The following MORC2 variants were observed in gnomAD, a reference collection of about 807,000 sequenced individuals.
MORC2 encodes the protein MORC family CW-type zinc finger 2.
Under a neutral mutation model 136.0 loss-of-function variants are expected in MORC2, and 30 were observed. That is an observed-to-expected ratio of 0.22 (90% CI 0.17 to 0.30). The LOEUF (loss-of-function observed/expected upper bound fraction) is 0.30, where lower values mean the gene tolerates loss of function less well. MORC2 is among the 10% of genes least tolerant of loss of function. MORC2 has a pLI of 1.00. For missense variants in MORC2, 922 were observed against 1,333.1 expected, an observed-to-expected ratio of 0.69 and a Z score of 4.80; for synonymous variants, 439 against 487.0, an observed-to-expected ratio of 0.90 and a Z score of 1.30.
In MORC2 at chr22:30,935,236, C is replaced by G; in HGVS notation, c.1812+12G>C. On this transcript the variant is annotated intron_variant, in intron 18 of 25. Transcript: ENST00000397641. ...CCTGAGGAAAAGCCCTTCCCAGGCC[C>G]CTGGACTTCACCTCAGTGGAAGGTC... 4 of 1,613,136 alleles carry G rather than the reference C, an allele frequency of 2.5e-6. No individual in the cohort carries two copies. The highest frequency in any genetic ancestry group is 3.4e-6 in the Non-Finnish European group (4 of 1,179,598).
intron 25 of MORC2, among the ~76,000 whole-genome samples, chr22:30,927,664 T>G (rs982774716): frequency 2.0e-5 from 3 of 152,206 alleles, no homozygotes; most frequent in African/African-American, 7.2e-5. Flanking sequence ...GCCCTCATGC[T>G]TATTGCCTGG....
chr22:30,932,647 G>A lies in MORC2; in HGVS notation c.2645C>T (p.Ala882Val), dbSNP rs762899928. 1 of 1,614,172 alleles carries A rather than the reference G, an allele frequency of 6.2e-7. No individual in the cohort carries two copies. The highest frequency in any genetic ancestry group is 1.7e-5 in the Admixed American group (1 of 60,032). Residue 882 changes from alanine (A) to valine (V), a missense_variant, in exon 23 of 26, where the codon GCT (alanine) becomes GTT (valine). Coordinates refer to ENST00000397641, the MANE Select transcript of MORC2 (RefSeq NM_001303256.3). The surrounding 1 kb of genome is among the most constrained non-coding windows in gnomAD (Gnocchi z 4.4). The part of the protein sequence containing the change: ...EVGPVAQQAI[A>V]VAEPSTSECL... ...TTCGGAAGTGGAGGGCTCTGCGACA[G>A]CTATGGCCTGCTGGGCCACAGGGCC...
chr22:30,939,423 G>A (rs1020500388), intron 12 of MORC2, among the ~76,000 whole-genome samples, 198 bp downstream of exon 12: 3 of 152,142 alleles, frequency 2.0e-5, no homozygotes, highest in African/African-American at 7.2e-5. Context: ...TGCTCGAGCC[G>A]AGGTTGTCAG....
rs80056206 is a variant in MORC2 at position 30,927,064 on chromosome 22, C to A, written c.3031-193G>T. 0.034 allele frequency among the ~76,000 whole-genome samples: 5,165 copies of A among 152,130 alleles called. 250 individuals are homozygous for A. Among genetic ancestry groups the A allele is most frequent in the African/African-American group, 0.11 (4,573 of 41,458 alleles). On this transcript the variant is annotated intron_variant, in intron 25 of 25. Coordinates refer to ENST00000397641, the MANE Select transcript of MORC2 (RefSeq NM_001303256.3). ...TCATCTATTGTGCACAGATGATGCCCAGATTTCCTACGCCCACCCTGCCTC... is the reference window on the plus strand; with the variant it reads ...TCATCTATTGTGCACAGATGATGCCAAGATTTCCTACGCCCACCCTGCCTC...
intron 6 of MORC2, among the ~76,000 whole-genome samples, 184 bp from the exon 7 acceptor site, chr22:30,942,455 G>A (rs2040755401): frequency 6.6e-6 from 1 of 152,168 alleles, no homozygotes; most frequent in Admixed American, 6.5e-5. Flanking sequence ...CCAAGACTCA[G>A]CCACACAAGA....
intron 6 of MORC2, among the ~76,000 whole-genome samples, chr22:30,943,518 A>T (rs575921347): frequency 2.6e-5 from 4 of 151,998 alleles, no homozygotes; most frequent in African/African-American, 9.7e-5. Flanking sequence ...CAAAAACCCA[A>T]CCTCATATGC....
intron 3 of MORC2, among the ~76,000 whole-genome samples, chr22:30,955,148 G>C (rs2040948287): frequency 6.6e-6 from 1 of 152,054 alleles, no homozygotes; most frequent in Non-Finnish European, 1.5e-5. Flanking sequence ...AGTAGAGACA[G>C]GGTTTCTCCA....
At chr22:30,928,256 C>G (rs2040520602) in intron 24 of MORC2, 49 bp from the exon 25 acceptor site, 8 of 1,598,676 alleles carry the variant, frequency 5.0e-6, no homozygotes, top group Non-Finnish European at 6.9e-6. Context: ...ACAGGGGTCC[C>G]CAGGGCCCTT....
rs746259995 is a variant in MORC2 at position 30,939,599 on chromosome 22, C to G, written c.1073+22G>C. The G allele has an allele frequency of 4.3e-6, 7 of 1,611,830 alleles. No homozygotes were observed. The East Asian group carries it at 1.6e-4, about 36-fold the overall frequency. On this transcript the variant is annotated intron_variant, in intron 12 of 25. Transcript: ENST00000397641. Reference sequence around the variant, plus strand: ...AAAAGCTACGTCAGTTTAAAAGATCCAAGGACAGGCCTGGCACTCACCGCT... The same window carrying G: ...AAAAGCTACGTCAGTTTAAAAGATCGAAGGACAGGCCTGGCACTCACCGCT...
At chr22:30,939,898 TGG>T in intron 11 of MORC2, 59 bp downstream of exon 11, 1 of 1,546,918 alleles carries the variant, frequency 6.5e-7, no homozygotes, top group South Asian at 1.1e-5. Flanking sequence ...ACCAGGCTCA[TGG>T]GACATGGGCT....
At chr22:30,957,253 C>G (rs947796032) in intron 2 of MORC2, among the ~76,000 whole-genome samples, 2 of 152,194 alleles carry the variant, frequency 1.3e-5, no homozygotes, top group African/African-American at 4.8e-5. Flanking sequence ...TGTGAAAAAT[C>G]ACTTCTCGTG....
chr22:30,950,571 C>T (rs965323975), intron 3 of MORC2, 126 bp from the exon 4 acceptor site: 2 of 854,628 alleles, frequency 2.3e-6, no homozygotes, highest in South Asian at 1.6e-5. Flanking sequence ...AAACTTTCTA[C>T]GCTGGTGTGA....
At chr22:30,939,333 G>A (rs2040705741) in intron 12 of MORC2, among the ~76,000 whole-genome samples, 1 of 152,078 alleles carries the variant, frequency 6.6e-6, no homozygotes, top group Non-Finnish European at 1.5e-5. Flanking sequence ...CATACAATGA[G>A]CATTTTATAC....
Position 30,941,795 on chromosome 22 carries a change from G to A in MORC2, c.698+96C>T. 4 of 1,236,676 alleles carry A rather than the reference G, an allele frequency of 3.2e-6. No individual in the cohort carries two copies. Among genetic ancestry groups the A allele is most frequent in the Non-Finnish European group, 3.5e-6 (3 of 855,560 alleles). The allele number at this position is 1,236,676 out of a possible 1,614,324, so 76.6% of individuals were successfully genotyped here. ...ACATACTACCCTACCACAGAACACT[G>A]GGCAATGAATGTGCTCTCCCCTCTT... On this transcript the variant is annotated intron_variant, in intron 8 of 25. Transcript: ENST00000397641. This position sits in a 1 kb window ranked among gnomAD's most constrained non-coding sequence, Gnocchi z 4.6.
At position 30,925,869 on chromosome 22, in the gene MORC2, C is replaced by G. The variant is rs2040475414; in HGVS notation, c.*934G>C. ...CACGGGATCTCACTGGCCCCCTCTT[C>G]AGGCACCTTGATGGGGCTCAGTGGG... On this transcript the variant is annotated 3_prime_UTR_variant, in exon 26 of 26. Coordinates refer to ENST00000397641, the MANE Select transcript of MORC2 (RefSeq NM_001303256.3). 6.5e-6 allele frequency: 1 copy of G among 153,378 alleles called. No individual in the cohort carries two copies. Among genetic ancestry groups the G allele is most frequent in the South Asian group, 2.1e-4 (1 of 4,834 alleles). 9.5% of individuals were successfully genotyped at this position (153,378 alleles called of 1,614,324 possible). A position where few individuals can be genotyped will look rare whatever the true frequency, so the allele number is the denominator to read the frequency against.
Position 30,933,505 on chromosome 22 carries a change from C to T in MORC2, c.2341G>A (p.Gly781Arg). The T allele has an allele frequency of 1.2e-6, 2 of 1,613,918 alleles. No individual in the cohort carries two copies. The highest frequency in any genetic ancestry group is 1.1e-5 in the South Asian group (1 of 91,074). Residue 781 changes from glycine (G) to arginine (R), a missense_variant, in exon 21 of 26, where the codon GGG (glycine) becomes AGG (arginine). Physicochemically the swap from Gly to Arg is moderately radical, Grantham distance 125. Around this residue, in one of 9 missense-constraint regions of MORC2, gnomAD observed 263 missense variants for 388.3 expected, o/e 0.68. Transcript: ENST00000397641. ...KDSNELSDSA[G>R]EEDSADLKRA... ...TTGAGGTCAGCCGAGTCCTCTTCCC[C>T]AGCACTGTCTGAGAGCTGCGTGGAG...
intron 4 of MORC2, among the ~76,000 whole-genome samples, chr22:30,950,109 G>C (rs1474404544): frequency 6.6e-6 from 1 of 152,138 alleles, no homozygotes; most frequent in Non-Finnish European, 1.5e-5. Flanking sequence ...AGAATGTTGT[G>C]CAAGCTGATA....
intron 10 of MORC2, 139 bp from the exon 11 acceptor site, chr22:30,940,180 A>C: frequency 1.2e-6 from 1 of 814,198 alleles, no homozygotes; most frequent in Non-Finnish European, 1.9e-6. Flanking sequence ...GCTGGTGAGC[A>C]ATGTGAGGGC....
intron 24 of MORC2, chr22:30,929,899 G>C (rs1244072499): frequency 6.6e-6 from 1 of 151,878 alleles, no homozygotes; most frequent in Non-Finnish European, 1.5e-5. Flanking sequence ...ACCCAGGCTG[G>C]AGTCCAGTGG....
Sources: allele counts gnomAD v4.1 joint callset (sites outside exome capture counted in the v4.1 genomes callset), GRCh38; gene constraint gnomAD v4.1.1; regional missense constraint gnomAD v4.1.1; non-coding constraint Gnocchi (gnomAD v3.1); transcripts MANE v1.5; gene names NCBI Gene and HGNC (gene_info 2026-07-23, HGNC 2026-07-21).